DCBLD1: variants seen among roughly 807,000 people sequenced by gnomAD.
The protein encoded by DCBLD1 is discoidin, CUB and LCCL domain containing 1.
In DCBLD1, 57 loss-of-function variants were observed where a neutral mutation model predicts 71.5. That is an observed-to-expected ratio of 0.80 (90% CI 0.64 to 0.99). DCBLD1 has a LOEUF of 0.99. DCBLD1 is among the 50% of genes least tolerant of loss of function. DCBLD1 has a pLI of 0.00. For missense variants in DCBLD1, 891 were observed against 923.5 expected (o/e 0.96, Z 0.46); for synonymous variants, 380 against 363.8 (o/e 1.04, Z -0.51).
intron 14 of DCBLD1, 186 bp from the exon 15 acceptor site, chr6:117,547,721 G>A: frequency 7.9e-7 from 1 of 1,273,314 alleles, no homozygotes; most frequent in Non-Finnish European, 1.1e-6. Context: ...AGGCGGTGCG[G>A]TTGTGTACTG....
At chr6:117,555,976 G>A (rs1421408023) in intron 14 of DCBLD1, among the ~76,000 whole-genome samples, 1 of 152,112 alleles carries the variant, frequency 6.6e-6, no homozygotes, top group East Asian at 1.9e-4. Flanking sequence ...TGTGACCCTG[G>A]AAAAATCAGC....
intron 5 of DCBLD1, among the ~76,000 whole-genome samples, chr6:117,530,278 A>G (rs1481673424): frequency 1.3e-5 from 2 of 152,200 alleles, no homozygotes; most frequent in East Asian, 3.8e-4. Flanking sequence ...CACTTTTGTG[A>G]AAGACAGTTT....
intron 1 of DCBLD1, chr6:117,503,562 G>T: frequency 3.5e-6 from 2 of 578,276 alleles, no homozygotes; most frequent in Admixed American, 6.4e-5. Flanking sequence ...TGATCAACAA[G>T]AAGATAAAAC....
At chr6:117,515,104 C>A (rs1778150068) in intron 2 of DCBLD1, among the ~76,000 whole-genome samples, 2 of 150,988 alleles carry the variant, frequency 1.3e-5, no homozygotes, top group Admixed American at 1.3e-4. Context: ...ACTGCAACCT[C>A]CACCCCCCAG....
chr6:117,554,609 T>G (rs1428842618), downstream of DCBLD1, among the ~76,000 whole-genome samples: 1 of 152,194 alleles, frequency 6.6e-6, no homozygotes, highest in Non-Finnish European at 1.5e-5. Context: ...AATATTCATT[T>G]GTGGGCCAGG....
At position 117,494,464 on chromosome 6, in the gene DCBLD1, A is replaced by G. The variant is rs529092336; in HGVS notation, c.113-9303A>G. 5.9e-5 allele frequency among the ~76,000 whole-genome samples: 9 copies of G among 152,338 alleles called. No individual in the cohort carries two copies. In the East Asian group the frequency reaches 1.2e-3, roughly 20 times the overall value. Reference sequence around the variant, plus strand: ...CAGCTGAAGCAGTGGCAGCTTGGATATTACATCAACATCCTGACATTATTA... The same window carrying G: ...CAGCTGAAGCAGTGGCAGCTTGGATGTTACATCAACATCCTGACATTATTA... On this transcript the variant is annotated intron_variant, in intron 1 of 14. Transcript: ENST00000338728.
At chr6:117,507,146 G>A (rs1025141565) in intron 2 of DCBLD1, among the ~76,000 whole-genome samples, 1 of 152,210 alleles carries the variant, frequency 6.6e-6, no homozygotes, top group African/African-American at 2.4e-5. Context: ...ATTAACCATT[G>A]TGAATATGCT....
intron 14 of DCBLD1, among the ~76,000 whole-genome samples, chr6:117,563,924 G>T (rs1310459666): frequency 2.0e-5 from 3 of 151,502 alleles, no homozygotes; most frequent in African/African-American, 7.3e-5. Context: ...TACTATATTG[G>T]GCTTATGTAA....
chr6:117,518,796 C>G (rs566160248), intron 2 of DCBLD1, among the ~76,000 whole-genome samples: 14 of 152,298 alleles, frequency 9.2e-5, no homozygotes, highest in Non-Finnish European at 2.1e-4. Context: ...CACCAGGTCC[C>G]TCCCACAACA....
chr6:117,565,896 C>T (rs1034087319), intron 14 of DCBLD1, among the ~76,000 whole-genome samples: 2 of 152,144 alleles, frequency 1.3e-5, no homozygotes, highest in African/African-American at 4.8e-5. Flanking sequence ...TGTACTTTCC[C>T]TTGAAACCAG....
intron 6 of DCBLD1, among the ~76,000 whole-genome samples, chr6:117,534,304 T>A (rs1411501777): frequency 6.6e-6 from 1 of 152,230 alleles, no homozygotes; most frequent in East Asian, 1.9e-4. Flanking sequence ...CACATACTTT[T>A]CAGAACATTA....
Position 117,519,877 on chromosome 6 carries a change from C to T in DCBLD1, c.387C>T (p.Thr129=), listed in dbSNP as rs779993543. 4 of 1,614,106 alleles carry T rather than the reference C, an allele frequency of 2.5e-6. No homozygotes were observed. Among genetic ancestry groups the T allele is most frequent in the South Asian group, 1.1e-5 (1 of 91,078 alleles). ...TCTTGTTGAACACAAGTGAAGTAAC[C>T]GTCCGCTTTGAGAGTGGATCCCACA... ...KELLLNTSEV[T]VRFESGSHIS... Residue 129 remains threonine (T), a synonymous_variant, in exon 3 of 15, where the codon ACC becomes ACT. Coordinates refer to ENST00000338728, the MANE Select transcript of DCBLD1 (RefSeq NM_001366458.2).
downstream of DCBLD1, among the ~76,000 whole-genome samples, chr6:117,551,616 T>C: frequency 6.6e-6 from 1 of 152,158 alleles, no homozygotes; most frequent in East Asian, 1.9e-4. Context: ...CCTGACCTCG[T>C]GATCCGCCAT....
intron 7 of DCBLD1, among the ~76,000 whole-genome samples, chr6:117,538,170 TG>T (rs1778964587): frequency 6.6e-6 from 1 of 152,210 alleles, no homozygotes; most frequent in Non-Finnish European, 1.5e-5. Flanking sequence ...GGATGAATAT[TG>T]GGTACAACTT....
intron 14 of DCBLD1, among the ~76,000 whole-genome samples, chr6:117,568,385 C>A (rs1025843237): frequency 4.6e-5 from 7 of 152,182 alleles, no homozygotes; most frequent in African/African-American, 1.7e-4. Context: ...AAGTTAGTCT[C>A]TTTGGTGCTC....
chr6:117,490,043 A>G (rs1421878241), intron 1 of DCBLD1, among the ~76,000 whole-genome samples: 1 of 152,196 alleles, frequency 6.6e-6, no homozygotes, highest in Admixed American at 6.5e-5. Flanking sequence ...AAAATGCTAC[A>G]CATAGAACCA....
At chr6:117,507,074 T>C (rs1777868347) in intron 2 of DCBLD1, among the ~76,000 whole-genome samples, 1 of 152,244 alleles carries the variant, frequency 6.6e-6, no homozygotes, top group Non-Finnish European at 1.5e-5. Context: ...AAAAGAATAA[T>C]GTTTTCTGGC....
At chr6:117,486,788 C>T (rs1777100450) in intron 1 of DCBLD1, among the ~76,000 whole-genome samples, 1 of 152,208 alleles carries the variant, frequency 6.6e-6, no homozygotes, top group Non-Finnish European at 1.5e-5. Context: ...GCAGGGATCC[C>T]TAAGCCCTGG....
At chr6:117,518,445 T>G (rs1041783251) in intron 2 of DCBLD1, among the ~76,000 whole-genome samples, 1 of 152,240 alleles carries the variant, frequency 6.6e-6, no homozygotes, top group South Asian at 2.1e-4. Flanking sequence ...TGTTACCCAG[T>G]TCCAAAGTCA....
Sources: gnomAD v4.1 joint callset for allele counts (sites outside exome capture counted in the v4.1 genomes callset) on GRCh38, gnomAD v4.1.1 for gene constraint, MANE v1.5 for transcripts, NCBI Gene and HGNC (gene_info 2026-07-23, HGNC 2026-07-21) for gene names.